FRMD7: variants seen among roughly 807,000 people sequenced by gnomAD.
FRMD7 encodes FERM domain-containing protein 7.
In FRMD7, 14 loss-of-function variants were observed where a neutral mutation model predicts 44.1. The observed-to-expected ratio is 0.32, with a 90% CI of 0.21 to 0.50. The LOEUF (loss-of-function observed/expected upper bound fraction) is 0.50. Ranked by LOEUF, FRMD7 falls within the 20% of genes least tolerant of loss-of-function variation. The pLI is 0.99. For synonymous variants in FRMD7, 212 were observed against 187.4 expected, an observed-to-expected ratio of 1.13 and a Z score of -1.07; for missense variants, 501 against 522.3, an observed-to-expected ratio of 0.96 and a Z score of 0.40.
chrX:132,103,083 A>G (rs1433382548), intron 1 of FRMD7, among the ~76,000 whole-genome samples: 1 of 111,528 alleles, frequency 9.0e-6, no homozygotes, highest in African/African-American at 3.3e-5. Flanking sequence ...TTTCCACCCC[A>G]TCTCCGCGAG....
intron 1 of FRMD7, among the ~76,000 whole-genome samples, chrX:132,119,917 C>T (rs909161687): frequency 8.1e-5 from 9 of 111,236 alleles, no homozygotes; most frequent in Admixed American, 7.6e-4. Flanking sequence ...ACTGGTCTCA[C>T]GGAATGTTTT....
intron 1 of FRMD7, among the ~76,000 whole-genome samples, chrX:132,101,237 C>T: frequency 9.0e-6 from 1 of 110,821 alleles, no homozygotes; most frequent in East Asian, 2.9e-4. Flanking sequence ...ACTTTCCTCT[C>T]TAATAACGGC....
At chrX:132,094,854 A>G (rs1458589942) in intron 4 of FRMD7, among the ~76,000 whole-genome samples, 1 of 111,388 alleles carries the variant, frequency 9.0e-6, no homozygotes, top group East Asian at 2.8e-4. Context: ...AACTAAACCA[A>G]ACTGCCCCTT....
chrX:132,081,780 T>TTTA (rs995406195), intron 9 of FRMD7, among the ~76,000 whole-genome samples: 2 of 112,170 alleles, frequency 1.8e-5, no homozygotes, highest in Non-Finnish European at 3.8e-5. Context: ...TTTTTTTTAT[T>TTTA]TTATTATTAT....
intron 5 of FRMD7, among the ~76,000 whole-genome samples, chrX:132,086,683 G>A (rs928435820): frequency 1.8e-5 from 2 of 110,223 alleles, no homozygotes; most frequent in Non-Finnish European, 3.8e-5. Context: ...AACAACTGCT[G>A]ACAGCTTATC....
intron 1 of FRMD7, among the ~76,000 whole-genome samples, chrX:132,118,598 G>T (rs1000197481): frequency 1.8e-5 from 2 of 111,209 alleles, no homozygotes; most frequent in African/African-American, 6.6e-5. Context: ...GCACTGGGCA[G>T]GTTCCCCCAT....
chrX:132,100,910 G>A (rs1158010706), intron 1 of FRMD7, among the ~76,000 whole-genome samples, 194 bp from the exon 2 acceptor site: 6 of 111,327 alleles, frequency 5.4e-5, no homozygotes, highest in Non-Finnish European at 9.4e-5. Flanking sequence ...TTGTTTTAGC[G>A]ACATCCCTAA....
chrX:132,098,366 A>G (rs1475537294), intron 3 of FRMD7, among the ~76,000 whole-genome samples: 3 of 112,491 alleles, frequency 2.7e-5, no homozygotes, highest in Non-Finnish European at 5.6e-5. Flanking sequence ...AGGTAGCCAG[A>G]GTTCAATGCT....
At position 132,082,471 on chromosome X, in the gene FRMD7, G is replaced by A; in HGVS notation, c.797C>T (p.Ala266Val). The A allele has an allele frequency of 8.3e-7, 1 of 1,210,180 alleles. No homozygotes were observed. Among genetic ancestry groups the A allele is most frequent in the Non-Finnish European group, 1.1e-6 (1 of 893,796 alleles). The change falls in exon 9 of 12, where the codon GCT becomes GTT. Residue 266 changes from alanine to valine, a missense_variant. By Grantham distance (64) the Ala-to-Val change is moderately conservative. Coordinates refer to ENST00000298542, the MANE Select transcript of FRMD7 (RefSeq NM_194277.3). ...FTMASRDACK[A>V]FWKTCVEYHA... ...GTATTCCACACAAGTCTTCCAGAAA[G>A]CCTTGCAGGCATCTCGGCTGGCCAT...
chrX:132,085,024 C>T (rs1389002628), intron 7 of FRMD7, among the ~76,000 whole-genome samples: 1 of 111,412 alleles, frequency 9.0e-6, no homozygotes, highest in African/African-American at 3.3e-5. Flanking sequence ...GAATATATAA[C>T]CTTTGTTCCC....
intron 5 of FRMD7, among the ~76,000 whole-genome samples, chrX:132,092,384 C>T (rs902161742): frequency 2.7e-5 from 3 of 110,764 alleles, no homozygotes; most frequent in Non-Finnish European, 3.8e-5. Context: ...GGTTCTTGAA[C>T]GCTTAAAATA....
chrX:132,095,125 C>T (rs1018633941), intron 4 of FRMD7, among the ~76,000 whole-genome samples: 1 of 106,781 alleles, frequency 9.4e-6, no homozygotes, highest in African/African-American at 3.4e-5. Flanking sequence ...GATAGAGTCT[C>T]ACTCTGTTAC....
chrX:132,092,906 GT>G (rs1325643382), intron 5 of FRMD7, among the ~76,000 whole-genome samples: 1 of 111,901 alleles, frequency 8.9e-6, no homozygotes, highest in Non-Finnish European at 1.9e-5. Context: ...CAGGCCCTAT[GT>G]TTGGGCTATA....
chrX:132,087,486 C>A (rs751969241), intron 5 of FRMD7, among the ~76,000 whole-genome samples: 1 of 110,980 alleles, frequency 9.0e-6, no homozygotes, highest in South Asian at 3.8e-4. Context: ...ATAAAAATCT[C>A]CATATAATAA....
At chrX:132,107,119 A>C (rs1046295827) in intron 1 of FRMD7, among the ~76,000 whole-genome samples, 2 of 112,338 alleles carry the variant, frequency 1.8e-5, no homozygotes, top group African/African-American at 3.2e-5. Context: ...GGTTTCAGGA[A>C]AAGATAGATT....
At chrX:132,105,507 T>A (rs1441411806) in intron 1 of FRMD7, among the ~76,000 whole-genome samples, 4 of 111,217 alleles carry the variant, frequency 3.6e-5, no homozygotes, top group African/African-American at 9.8e-5. Context: ...AGAAAAAAAA[T>A]TTTTTTAAAT....
intron 1 of FRMD7, among the ~76,000 whole-genome samples, chrX:132,103,623 A>C (rs1192494300): frequency 8.9e-6 from 1 of 111,837 alleles, no homozygotes; most frequent in Non-Finnish European, 1.9e-5. Context: ...TGGGGGCTTC[A>C]AACTCATCTT....
Position 132,078,936 on chromosome X carries a change from C to T in FRMD7, c.1081G>A (p.Gly361Ser), listed in dbSNP as rs747502543. Residue 361 changes from glycine (G) to serine (S), a missense_variant, in exon 12 of 12, where the codon GGC becomes AGC. By Grantham distance (56) the Gly-to-Ser change is moderately conservative. This residue lies in a region of FRMD7 where 453 missense variants were observed against 452.7 expected (regional missense o/e 1.00). Coordinates refer to ENST00000298542, the MANE Select transcript of FRMD7 (RefSeq NM_194277.3). Reference sequence around the variant, plus strand: ...ACTCCATTCACATTTTGGTAGTAGCCACCACCATATGCTAGTCTCAAATCT... The same window carrying T: ...ACTCCATTCACATTTTGGTAGTAGCTACCACCATATGCTAGTCTCAAATCT... The part of the protein sequence containing the change: ...VEDLRLAYGG[G>S]YYQNVNGVHA... 8.3e-7 allele frequency: 1 copy of T among 1,208,273 alleles called. No homozygotes were observed. Among genetic ancestry groups the T allele is most frequent in the East Asian group, 3.0e-5 (1 of 33,818 alleles).
intron 7 of FRMD7, 38 bp downstream of exon 7, chrX:132,085,543 C>T (rs1288561453): frequency 8.4e-7 from 1 of 1,193,843 alleles, no homozygotes; most frequent in Non-Finnish European, 1.1e-6. Context: ...AACCACCCCT[C>T]ACTAAAGCTG....
Sources: allele counts gnomAD v4.1 joint callset (sites outside exome capture counted in the v4.1 genomes callset), GRCh38; gene constraint gnomAD v4.1.1; regional missense constraint gnomAD v4.1.1; transcripts MANE v1.5; gene names NCBI Gene and HGNC (gene_info 2026-07-23, HGNC 2026-07-21).